Variants in PTPRR observed in about 807,000 individuals in gnomAD.
PTPRR encodes the protein receptor-type tyrosine-protein phosphatase R.
A neutral mutation model predicts 77.2 loss-of-function variants in PTPRR; 38 were observed. That is an observed-to-expected ratio of 0.49 (90% CI 0.38 to 0.65). The LOEUF is 0.65. PTPRR is among the 30% of genes least tolerant of loss of function. PTPRR has a pLI of 0.00. For synonymous variants in PTPRR, 299 were observed against 283.1 expected, an observed-to-expected ratio of 1.06 and a Z score of -0.57; for missense variants, 744 against 799.2, an observed-to-expected ratio of 0.93 and a Z score of 0.83.
Position 70,892,639 on chromosome 12 carries a change from A to G in PTPRR, c.357+40T>C, listed in dbSNP as rs759716421. Reference sequence around the variant, plus strand: ...TTTCAAGCATCAATGACAGGAAAGAATCAACATCAGCCTCAGCATCAGTTT... The same window carrying G: ...TTTCAAGCATCAATGACAGGAAAGAGTCAACATCAGCCTCAGCATCAGTTT... On this transcript the variant is annotated intron_variant, in intron 2 of 13. Transcript: ENST00000283228. The G allele has an allele frequency of 1.9e-6, 3 of 1,598,164 alleles. No individual in the cohort carries two copies. The Admixed American group carries it at 5.1e-5, about 27-fold the overall frequency.
intron 10 of PTPRR, chr12:70,672,188 C>G: frequency 6.4e-7 from 1 of 1,556,200 alleles, no homozygotes; most frequent in Non-Finnish European, 8.8e-7. Context: ...GTTGCCAGTC[C>G]TACCATGGTT....
chr12:70,788,933 T>G, intron 2 of PTPRR: 1 of 1,436,308 alleles, frequency 7.0e-7, no homozygotes, highest in South Asian at 1.5e-5. Context: ...GCTTGTGTGC[T>G]GAGATGAAGC....
chr12:70,904,683 A>G (rs1482453928), intron 1 of PTPRR, among the ~76,000 whole-genome samples: 1 of 151,820 alleles, frequency 6.6e-6, no homozygotes, highest in African/African-American at 2.4e-5. Context: ...AGGTTATACT[A>G]TGTTTTGTAA....
chr12:70,661,001 G>A lies in PTPRR; in HGVS notation c.1705C>T (p.Leu569=). The change falls in exon 12 of 14, where the codon CTG becomes TTG. Residue 569 remains leucine, a synonymous_variant. Transcript: ENST00000283228. ...DSAQPLLQLM[L]DVEEDRLASQ... ...GCAAGTCTGTCTTCTTCTACATCCA[G>A]CATGAGCTGTAGGAGGGGCTGGGCA... 6.2e-7 allele frequency: 1 copy of A among 1,613,770 alleles called. No individual in the cohort carries two copies. Among genetic ancestry groups the A allele is most frequent in the South Asian group, 1.1e-5 (1 of 90,912 alleles).
At chr12:70,653,558 T>G (rs922971842) in intron 13 of PTPRR, among the ~76,000 whole-genome samples, 1 of 152,160 alleles carries the variant, frequency 6.6e-6, no homozygotes, top group Non-Finnish European at 1.5e-5. Flanking sequence ...GTGGCTGAAG[T>G]CCTGTGAGTT....
rs372830135 is a variant in PTPRR, at chr12:70,660,636, A to T, written c.1766+304T>A. 7.9e-5 allele frequency among the ~76,000 whole-genome samples: 12 copies of T among 152,324 alleles called. No homozygotes were observed. In the East Asian group the frequency reaches 1.9e-3, roughly 24 times the overall value. On this transcript the variant is annotated intron_variant, in intron 12 of 13. Transcript: ENST00000283228. The stretch of plus-strand genomic sequence containing the variant: ...TGTACAAGACTGATGAGACTAAATC[A>T]ATCAATATAAGTTTCAAAGCAGATA...
chr12:70,872,276 G>A (rs1892971177), intron 2 of PTPRR, among the ~76,000 whole-genome samples: 2 of 152,036 alleles, frequency 1.3e-5, no homozygotes, highest in Non-Finnish European at 2.9e-5. Context: ...TAGGAACCAG[G>A]GTTATTGAGC....
At chr12:70,848,950 TTC>T (rs1892529895) in intron 2 of PTPRR, among the ~76,000 whole-genome samples, 1 of 152,204 alleles carries the variant, frequency 6.6e-6, no homozygotes, top group Non-Finnish European at 1.5e-5. Context: ...TATAGATAAT[TTC>T]TGACTGCTTC....
chr12:70,752,679 A>G (rs1565682465), intron 5 of PTPRR, among the ~76,000 whole-genome samples: 2 of 152,078 alleles, frequency 1.3e-5, no homozygotes, highest in East Asian at 1.9e-4. Context: ...GATCCCCTGA[A>G]TATTTTCCAC....
At chr12:70,658,176 C>T (rs1886653082) in intron 12 of PTPRR, among the ~76,000 whole-genome samples, 3 of 152,290 alleles carry the variant, frequency 2.0e-5, no homozygotes, top group Admixed American at 6.5e-5. Flanking sequence ...ATTGTTTGGG[C>T]TTTTGGTTTT....
At chr12:70,748,462 A>C (rs1890282296) in intron 5 of PTPRR, among the ~76,000 whole-genome samples, 1 of 152,212 alleles carries the variant, frequency 6.6e-6, no homozygotes, top group Non-Finnish European at 1.5e-5. Context: ...TTACCGTAGC[A>C]ATGGCAAGTC....
chr12:70,822,602 G>A (rs1004138147), intron 2 of PTPRR, among the ~76,000 whole-genome samples: 1 of 152,146 alleles, frequency 6.6e-6, no homozygotes, highest in Non-Finnish European at 1.5e-5. Context: ...AAGCCATGGA[G>A]CCGTCTCCCT....
At chr12:70,659,642 G>GT (rs970400120) in intron 12 of PTPRR, among the ~76,000 whole-genome samples, 13 of 152,154 alleles carry the variant, frequency 8.5e-5, no homozygotes, top group Non-Finnish European at 1.5e-4. Flanking sequence ...CAGTTAGGCT[G>GT]TTTTTTTGTT....
Position 70,662,487 on chromosome 12 carries a change from A to G in PTPRR, c.1608+8T>C, listed in dbSNP as rs770831184. On this transcript the variant is annotated splice_region_variant and intron_variant, in intron 11 of 13. Coordinates refer to ENST00000283228, the MANE Select transcript of PTPRR (RefSeq NM_002849.4). ...ACTTTGTAGATGGCTATAGCTACAT[A>G]ATCTTACCTTTAAGACAAGGTTTCG... 1.3e-6 allele frequency: 2 copies of G among 1,541,758 alleles called. No individual in the cohort carries two copies. The highest frequency in any genetic ancestry group is 3.4e-5 in the Admixed American group (2 of 58,114).
intron 6 of PTPRR, among the ~76,000 whole-genome samples, chr12:70,709,525 C>G (rs999647971): frequency 6.6e-6 from 1 of 152,058 alleles, no homozygotes; most frequent in African/African-American, 2.4e-5. Context: ...AGTAAACTAT[C>G]CCTGTTTGCA....
chr12:70,682,818 A>T lies in PTPRR; in HGVS notation c.1497+1309T>A, dbSNP rs183529306. Among the ~76,000 whole-genome samples, 562 of 152,294 alleles carry T rather than the reference A, an allele frequency of 3.7e-3. 3 individuals carry two copies. Among genetic ancestry groups the T allele is most frequent in the African/African-American group, 0.013 (552 of 41,576 alleles). ...TGAGAATATTAGGGGTTATTTTTAT[A>T]ATGCCACCTCAGGCTTTAATATCAG... On this transcript the variant is annotated intron_variant, in intron 10 of 13. Transcript: ENST00000283228.
At chr12:70,800,162 C>T (rs762051320) in intron 2 of PTPRR, among the ~76,000 whole-genome samples, 4 of 152,038 alleles carry the variant, frequency 2.6e-5, no homozygotes, top group Non-Finnish European at 5.9e-5. Flanking sequence ...AAAGAATAGG[C>T]ATACTAAAAC....
intron 13 of PTPRR, among the ~76,000 whole-genome samples, chr12:70,648,068 A>C (rs1886264210): frequency 6.6e-6 from 1 of 152,164 alleles, no homozygotes; most frequent in South Asian, 2.1e-4. Flanking sequence ...CAGAACCCCC[A>C]AAATCCAGAA....
At chr12:70,901,854 C>A (rs61930393) in intron 1 of PTPRR, among the ~76,000 whole-genome samples, 18,412 of 151,592 alleles carry the variant, frequency 0.12, 1,451 homozygotes, top group Non-Finnish European at 0.18. Flanking sequence ...GGGAGAAAAT[C>A]TTCACAATCT....
Sources: allele counts gnomAD v4.1 joint callset (sites outside exome capture counted in the v4.1 genomes callset), GRCh38; gene constraint gnomAD v4.1.1; transcripts MANE v1.5; gene names NCBI Gene and HGNC (gene_info 2026-07-23, HGNC 2026-07-21).